MRPS18A: variants seen among roughly 807,000 people sequenced by gnomAD.
The protein encoded by MRPS18A is large ribosomal subunit protein mL66.
In MRPS18A, 20 loss-of-function variants were observed where a neutral mutation model predicts 22.7. The observed-to-expected ratio is 0.88, with a 90% CI of 0.62 to 1.28. MRPS18A has a LOEUF of 1.28. MRPS18A is among the 50% of genes most tolerant of loss of function. The pLI is 0.00. For missense variants in MRPS18A, 294 were observed against 262.6 expected, an observed-to-expected ratio of 1.12 and a Z score of -0.83; for synonymous variants, 106 against 99.1, an observed-to-expected ratio of 1.07 and a Z score of -0.41.
chr6:43,672,881 C>T (rs559877147), intron 5 of MRPS18A, among the ~76,000 whole-genome samples: 2 of 152,180 alleles, frequency 1.3e-5, no homozygotes, highest in South Asian at 4.1e-4. Context: ...GCCTGCACTC[C>T]AAGTGTGTGC....
rs368014996 is a variant in MRPS18A, at chr6:43,678,672, G to A, written c.145-47C>T. On this transcript the variant is annotated intron_variant, in intron 2 of 5. Coordinates refer to ENST00000372133, the MANE Select transcript of MRPS18A (RefSeq NM_018135.4). ...CCAGTGTGAGAGACAGGACCTGCGT[G>A]GAGCCACATTATCTTTGCACAAACC... The A allele has an allele frequency of 1.1e-4, 146 of 1,348,604 alleles. No homozygotes were observed. The African/African-American group carries it at 1.9e-3, about 17-fold the overall frequency. 83.5% of individuals were successfully genotyped at this position (1,348,604 alleles called of 1,614,324 possible).
chr6:43,682,285 C>T (rs1472822293), intron 1 of MRPS18A, among the ~76,000 whole-genome samples: 1 of 152,080 alleles, frequency 6.6e-6, no homozygotes, highest in Non-Finnish European at 1.5e-5. Context: ...AGGGACAGAG[C>T]GAGACCCCAT....
intron 3 of MRPS18A, 56 bp from the exon 4 acceptor site, chr6:43,675,673 G>A: frequency 1.3e-6 from 2 of 1,550,050 alleles, no homozygotes; most frequent in Non-Finnish European, 1.7e-6. Context: ...TTTGATGCCG[G>A]GAAGCTAGGG....
chr6:43,672,106 C>A (rs925756457), intron 5 of MRPS18A, 200 bp from the exon 6 acceptor site: 1 of 657,626 alleles, frequency 1.5e-6, no homozygotes, highest in Non-Finnish European at 2.6e-6. Context: ...CTCTTGCTGC[C>A]GCAAGCCTGT....
chr6:43,678,766 C>G, intron 2 of MRPS18A, 141 bp from the exon 3 acceptor site: 1 of 628,342 alleles, frequency 1.6e-6, no homozygotes, highest in Non-Finnish European at 2.9e-6. Flanking sequence ...AGAGGTTTCT[C>G]TGCCTGAACT....
Position 43,680,151 on chromosome 6 carries a change from G to A in MRPS18A, c.144+938C>T, listed in dbSNP as rs541485681. 2.6e-5 allele frequency among the ~76,000 whole-genome samples: 4 copies of A among 152,288 alleles called. No individual in the cohort carries two copies. The South Asian group carries it at 8.3e-4, about 32-fold the overall frequency. On this transcript the variant is annotated intron_variant, in intron 2 of 5. Transcript: ENST00000372133. The stretch of plus-strand genomic sequence containing the variant: ...AAACACTCTTTATACTCAAAAGTCA[G>A]ATGTATTTCTCTCCTCCAGCATGGA...
rs1332455371 is a variant in MRPS18A at position 43,671,404 on chromosome 6, G to A, written c.*358C>T. The A allele has an allele frequency of 2.5e-6, 1 of 403,392 alleles. No homozygotes were observed. 25.0% of individuals were successfully genotyped at this position (403,392 alleles called of 1,614,324 possible). ...CAATGCTCAGCACCCAGCTGGCAAT[G>A]TGCCCAGGACCCCCTGCACTTCCCA... On this transcript the variant is annotated 3_prime_UTR_variant, in exon 6 of 6. Coordinates refer to ENST00000372133, the MANE Select transcript of MRPS18A (RefSeq NM_018135.4).
chr6:43,680,673 A>G (rs184272064), intron 2 of MRPS18A, among the ~76,000 whole-genome samples: 1 of 152,350 alleles, frequency 6.6e-6, no homozygotes, highest in African/African-American at 2.4e-5. Context: ...TAAATGCATC[A>G]TTTAAGGAGC....
chr6:43,678,052 C>T (rs1774159218), intron 3 of MRPS18A, among the ~76,000 whole-genome samples: 1 of 152,174 alleles, frequency 6.6e-6, no homozygotes, highest in Non-Finnish European at 1.5e-5. Context: ...CACAAGAGTA[C>T]AACCCCGGCG....
At chr6:43,685,379 CAGCAGG>C (rs1243752372) in intron 1 of MRPS18A, among the ~76,000 whole-genome samples, 1 of 152,180 alleles carries the variant, frequency 6.6e-6, no homozygotes, top group African/African-American at 2.4e-5. Flanking sequence ...TTCTCAACAG[CAGCAGG>C]ACTGCCATTT....
At position 43,682,667 on chromosome 6, in the gene MRPS18A, G is replaced by A. The variant is rs947960079; in HGVS notation, c.113-1547C>T. 5.3e-5 allele frequency among the ~76,000 whole-genome samples: 8 copies of A among 152,344 alleles called. No homozygotes were observed. In the South Asian group the frequency reaches 6.2e-4, roughly 12 times the overall value. On this transcript the variant is annotated intron_variant, in intron 1 of 5. Coordinates refer to ENST00000372133, the MANE Select transcript of MRPS18A (RefSeq NM_018135.4). Reference sequence around the variant, plus strand: ...GGTCACCCCACACACGGATCTACTTGTACAGAACACAGACCAACCCAAGAA... The same window carrying A: ...GGTCACCCCACACACGGATCTACTTATACAGAACACAGACCAACCCAAGAA...
rs777975441 is a variant in MRPS18A, at chr6:43,687,763, G to C, written c.17C>G (p.Ala6Gly). ...AAGCCGCCCACAGCCGGACACCAGA[G>C]CCTTGAGGGCCGCCATCTTCAAAAA... MAALK[A>G]LVSGCGRLLR... The change falls in exon 1 of 6, where the codon GCT becomes GGT. Residue 6 changes from alanine to glycine, a missense_variant. Transcript: ENST00000372133. 3.8e-6 allele frequency: 6 copies of C among 1,577,696 alleles called. No homozygotes were observed. The Admixed American group carries it at 5.6e-5, about 15-fold the overall frequency.
chr6:43,681,223 C>T, intron 1 of MRPS18A, 103 bp from the exon 2 acceptor site: 1 of 1,161,848 alleles, frequency 8.6e-7, no homozygotes, highest in Non-Finnish European at 1.3e-6. Context: ...AGCAGCCTTC[C>T]ATCTGTACTC....
chr6:43,671,564 G>A lies in MRPS18A; in HGVS notation c.*198C>T. On this transcript the variant is annotated 3_prime_UTR_variant, in exon 6 of 6. Transcript: ENST00000372133. Reference sequence around the variant, plus strand: ...GGCAAGGGACCCAACTGCCCTGCCTGCCTCTAGCTCCCAGCATTGCTACTG... The same window carrying A: ...GGCAAGGGACCCAACTGCCCTGCCTACCTCTAGCTCCCAGCATTGCTACTG... The A allele has an allele frequency of 1.6e-6, 1 of 633,716 alleles. No individual in the cohort carries two copies. Among genetic ancestry groups the A allele is most frequent in the Non-Finnish European group, 2.7e-6 (1 of 368,280 alleles). The allele number at this position is 633,716 out of a possible 1,614,324, so 39.3% of individuals were successfully genotyped here.
rs1167436369 is a variant in MRPS18A at position 43,673,247 on chromosome 6, C to A, written c.447-1341G>T. 6.6e-6 allele frequency among the ~76,000 whole-genome samples: 1 copy of A among 152,058 alleles called. No individual in the cohort carries two copies. The highest frequency in any genetic ancestry group is 2.4e-5 in the African/African-American group (1 of 41,406). On this transcript the variant is annotated intron_variant, in intron 5 of 5. Transcript: ENST00000372133. This position sits in a 1 kb window ranked among gnomAD's most constrained non-coding sequence, Gnocchi z 4.2. The stretch of plus-strand genomic sequence containing the variant: ...AAGTGATCCGCCCGCCTCGGCCTCC[C>A]AAATTGCTGGGATTACAGGTGTGAG...
chr6:43,682,596 T>A (rs1774479051), intron 1 of MRPS18A, among the ~76,000 whole-genome samples: 1 of 152,232 alleles, frequency 6.6e-6, no homozygotes, highest in Non-Finnish European at 1.5e-5. Context: ...CTGTAGTTAC[T>A]AATCAATTCA....
Position 43,675,262 on chromosome 6 carries a change from G to T in MRPS18A, c.386C>A (p.Pro129Gln). The T allele has an allele frequency of 6.5e-7, 1 of 1,527,566 alleles. No individual in the cohort carries two copies. Among genetic ancestry groups the T allele is most frequent in the Non-Finnish European group, 8.8e-7 (1 of 1,138,462 alleles). 94.6% of individuals were successfully genotyped at this position (1,527,566 alleles called of 1,614,324 possible). A position where few individuals can be genotyped will look rare whatever the true frequency, so the allele number is the denominator to read the frequency against. The part of the protein sequence containing the change: ...VKMAHRAGLL[P>Q]NHRPRLPEGV... ...TTCAGGAAGCCGAGGCCTGTGATTT[G>T]GTAATAGACCTGAGTGGCGGGGAAG... Residue 129 changes from proline to glutamine, a missense_variant, in exon 5 of 6, where the codon CCA (proline) becomes CAA (glutamine). Physicochemically the swap from Pro to Gln is moderately conservative, Grantham distance 76. Coordinates refer to ENST00000372133, the MANE Select transcript of MRPS18A (RefSeq NM_018135.4).
rs548367512 is a variant in MRPS18A at position 43,671,237 on chromosome 6, C to T, written c.*525G>A. 3.3e-5 allele frequency: 18 copies of T among 539,932 alleles called. No individual in the cohort carries two copies. Among genetic ancestry groups the T allele is most frequent in the Admixed American group, 6.3e-5 (2 of 31,836 alleles). The allele number at this position is 539,932 out of a possible 1,614,324, so 33.4% of individuals were successfully genotyped here. A position where few individuals can be genotyped will look rare whatever the true frequency, so the allele number is the denominator to read the frequency against. ...GCAGTTTCTTGGATTCACACGAGAGCGGCAAGTGTGTCAGGCAGCCCACCT... is the reference window on the plus strand; with the variant it reads ...GCAGTTTCTTGGATTCACACGAGAGTGGCAAGTGTGTCAGGCAGCCCACCT... On this transcript the variant is annotated 3_prime_UTR_variant, in exon 6 of 6. Coordinates refer to ENST00000372133, the MANE Select transcript of MRPS18A (RefSeq NM_018135.4).
chr6:43,671,628 T>C lies in MRPS18A; in HGVS notation c.*134A>G. On this transcript the variant is annotated 3_prime_UTR_variant, in exon 6 of 6. Coordinates refer to ENST00000372133, the MANE Select transcript of MRPS18A (RefSeq NM_018135.4). ...TACTGAAGTTAGTCCCACTGTCCCC[T>C]GTCCATGCATGTTGGAGGGACCAGG... is the stretch of plus-strand genomic sequence containing the variant. 2.9e-6 allele frequency: 3 copies of C among 1,022,960 alleles called. No homozygotes were observed. Among genetic ancestry groups the C allele is most frequent in the Non-Finnish European group, 2.9e-6 (2 of 679,794 alleles). 63.4% of individuals were successfully genotyped at this position (1,022,960 alleles called of 1,614,324 possible). A position where few individuals can be genotyped will look rare whatever the true frequency, so the allele number is the denominator to read the frequency against.
Sources: allele counts gnomAD v4.1 joint callset (sites outside exome capture counted in the v4.1 genomes callset), GRCh38; gene constraint gnomAD v4.1.1; non-coding constraint Gnocchi (gnomAD v3.1); transcripts MANE v1.5; gene names NCBI Gene and HGNC (gene_info 2026-07-23, HGNC 2026-07-21).